The following ATXN1 variants were observed in gnomAD, a reference collection of about 807,000 sequenced individuals.
ATXN1 encodes the protein ataxin-1.
ATXN1 carries 8 observed loss-of-function variants against 56.4 expected under a neutral mutation model. The ratio of observed to expected loss-of-function variants is 0.14; its 90% confidence interval spans 0.08 to 0.26. The LOEUF (loss-of-function observed/expected upper bound fraction) is 0.26, where lower values mean the gene tolerates loss of function less well. Among genes scored for constraint, ATXN1 ranks in the 10% least tolerant of loss-of-function variants. ATXN1 has a pLI of 1.00. For missense variants in ATXN1, 987 were observed against 1,106.5 expected (o/e 0.89, Z 1.53); for synonymous variants, 514 against 494.6 (o/e 1.04, Z -0.52).
chr6:16,740,323 G>A (rs998505025), intron 2 of ATXN1, among the ~76,000 whole-genome samples: 1 of 152,132 alleles, frequency 6.6e-6, no homozygotes, highest in African/African-American at 2.4e-5. Context: ...AGATACAAAT[G>A]TCCAGCACCA....
intron 6 of ATXN1, among the ~76,000 whole-genome samples, chr6:16,406,161 A>G (rs1033207269): frequency 6.6e-6 from 1 of 152,032 alleles, no homozygotes; most frequent in East Asian, 1.9e-4. Flanking sequence ...TTTTCTCCCT[A>G]TGACTTTCCT....
chr6:16,706,043 C>T (rs549134822), intron 2 of ATXN1, among the ~76,000 whole-genome samples: 4 of 152,174 alleles, frequency 2.6e-5, no homozygotes, highest in African/African-American at 9.6e-5. Flanking sequence ...TCACTATGGA[C>T]CTACCAAACT....
intron 7 of ATXN1, among the ~76,000 whole-genome samples, chr6:16,314,888 G>A (rs1324866105): frequency 6.6e-6 from 1 of 152,104 alleles, no homozygotes; most frequent in Non-Finnish European, 1.5e-5. Flanking sequence ...TGGGATTACA[G>A]GTGTGAGCCA....
intron 6 of ATXN1, among the ~76,000 whole-genome samples, chr6:16,340,637 T>C (rs1761225039): frequency 2.0e-5 from 3 of 152,218 alleles, no homozygotes; most frequent in Admixed American, 6.5e-5. Context: ...GAACTTGCAA[T>C]TCGTGGTGCA....
At chr6:16,446,908 G>C (rs1759647784) in intron 6 of ATXN1, among the ~76,000 whole-genome samples, 1 of 152,220 alleles carries the variant, frequency 6.6e-6, no homozygotes, top group South Asian at 2.1e-4. Flanking sequence ...TTGTATGGAA[G>C]ACATGCTTGG....
chr6:16,435,822 C>T (rs1234039479), intron 6 of ATXN1, among the ~76,000 whole-genome samples: 2 of 152,166 alleles, frequency 1.3e-5, no homozygotes, highest in Non-Finnish European at 2.9e-5. Flanking sequence ...TACTTTATTT[C>T]TCTAGGGCTC....
chr6:16,301,544 GA>G lies in ATXN1; in HGVS notation c.*4784del, dbSNP rs1369735881. On this transcript the variant is annotated 3_prime_UTR_variant, in exon 8 of 8. Transcript: ENST00000436367. ...ATGTGTTCTTAAATTCTCTATTTCA[GA>G]AATTCTGGGTTAAAAACAAATGTGG... 5 of 151,774 alleles carry G rather than the reference GA, an allele frequency of 3.3e-5. No individual in the cohort carries two copies. Among genetic ancestry groups the G allele is most frequent in the African/African-American group, 1.2e-4 (5 of 41,148 alleles). The allele number at this position is 151,774 out of a possible 1,614,324, so 9.4% of individuals were successfully genotyped here.
At chr6:16,724,577 C>T (rs935822402) in intron 2 of ATXN1, among the ~76,000 whole-genome samples, 5 of 152,162 alleles carry the variant, frequency 3.3e-5, no homozygotes, top group African/African-American at 1.2e-4. Flanking sequence ...TTGCTCTGCT[C>T]TAAAACTTTC....
At chr6:16,367,932 C>G (rs1466097435) in intron 6 of ATXN1, among the ~76,000 whole-genome samples, 1 of 152,034 alleles carries the variant, frequency 6.6e-6, no homozygotes, top group Non-Finnish European at 1.5e-5. Context: ...GAGACATAGG[C>G]TGAGGCGGGT....
intron 4 of ATXN1, among the ~76,000 whole-genome samples, chr6:16,523,246 T>C (rs1286145398): frequency 6.6e-6 from 1 of 152,050 alleles, no homozygotes; most frequent in Non-Finnish European, 1.5e-5. Flanking sequence ...TTACCCGGGT[T>C]TGTCATAGAT....
intron 3 of ATXN1, among the ~76,000 whole-genome samples, chr6:16,654,402 G>A (rs1758146056): frequency 6.6e-6 from 1 of 151,928 alleles, no homozygotes; most frequent in African/African-American, 2.4e-5. Context: ...AAATTAGCTG[G>A]GCACGGTGGC....
intron 5 of ATXN1, among the ~76,000 whole-genome samples, chr6:16,518,878 T>C (rs1761235425): frequency 6.6e-6 from 1 of 152,196 alleles, no homozygotes; most frequent in African/African-American, 2.4e-5. Flanking sequence ...GTATATGCTA[T>C]GGTCAGTAGC....
At chr6:16,318,295 G>C (rs901638583) in intron 7 of ATXN1, among the ~76,000 whole-genome samples, 3 of 152,206 alleles carry the variant, frequency 2.0e-5, no homozygotes, top group African/African-American at 7.2e-5. Context: ...AATTTCGCCT[G>C]TTGCTGGGAG....
At chr6:16,399,009 C>T (rs187499960) in intron 6 of ATXN1, among the ~76,000 whole-genome samples, 7 of 152,198 alleles carry the variant, frequency 4.6e-5, no homozygotes, top group Non-Finnish European at 1.0e-4. Flanking sequence ...ATTAAACATG[C>T]CTCCGTCTCA....
rs1269402587 is a variant in ATXN1 at position 16,302,409 on chromosome 6, GGTGA to G, written c.*3916_*3919del. 3.3e-5 allele frequency: 5 copies of G among 152,678 alleles called. No individual in the cohort carries two copies. The East Asian group carries it at 9.6e-4, about 29-fold the overall frequency. 9.5% of individuals were successfully genotyped at this position (152,678 alleles called of 1,614,324 possible). On this transcript the variant is annotated 3_prime_UTR_variant, in exon 8 of 8. Coordinates refer to ENST00000436367, the MANE Select transcript of ATXN1 (RefSeq NM_001128164.2). ...AATCAAATCATCCCAAACTAAACTG[GGTGA>G]GTTAGGGAAAACGAAAAGTTGACCA...
intron 2 of ATXN1, among the ~76,000 whole-genome samples, chr6:16,672,911 G>A (rs1264821777): frequency 6.6e-6 from 1 of 151,644 alleles, no homozygotes. Context: ...CTACTTGGGA[G>A]GCTGAGGCAG....
intron 2 of ATXN1, among the ~76,000 whole-genome samples, chr6:16,710,144 G>A (rs184869711): frequency 4.6e-5 from 7 of 152,142 alleles, no homozygotes; most frequent in South Asian, 2.1e-4. Context: ...TTCCCTGTAC[G>A]ATCAGAAAAA....
At chr6:16,418,741 G>C (rs970722793) in intron 6 of ATXN1, among the ~76,000 whole-genome samples, 9 of 105,524 alleles carry the variant, frequency 8.5e-5, no homozygotes, top group Admixed American at 5.8e-4. Flanking sequence ...ACAGTCCCCA[G>C]AGTGTGATGT....
chr6:16,523,952 T>G (rs894321946), intron 4 of ATXN1, among the ~76,000 whole-genome samples: 1 of 152,222 alleles, frequency 6.6e-6, no homozygotes, highest in Admixed American at 6.5e-5. Context: ...AAGACGCCTT[T>G]GCAGGTTTAA....
Sources: allele counts gnomAD v4.1 joint callset (sites outside exome capture counted in the v4.1 genomes callset), GRCh38; gene constraint gnomAD v4.1.1; transcripts MANE v1.5; gene names NCBI Gene and HGNC (gene_info 2026-07-23, HGNC 2026-07-21).